Variants in BTBD3 observed in about 807,000 individuals in gnomAD.
BTBD3 encodes the protein BTB domain containing 3.
In BTBD3, 14 loss-of-function variants were observed where a neutral mutation model predicts 41.6. The ratio of observed to expected loss-of-function variants is 0.34; its 90% CI spans 0.22 to 0.53. The LOEUF (loss-of-function observed/expected upper bound fraction) is 0.53, where lower values mean the gene tolerates loss of function less well. BTBD3 is among the 20% of genes least tolerant of loss of function. The pLI is 0.95. For missense variants in BTBD3, 426 were observed against 654.7 expected, an observed-to-expected ratio of 0.65 and a Z score of 3.81; for synonymous variants, 249 against 233.7, an observed-to-expected ratio of 1.07 and a Z score of -0.60.
At chr20:11,897,345 T>A (rs1465536838) in intron 1 of BTBD3, among the ~76,000 whole-genome samples, 1 of 152,174 alleles carries the variant, frequency 6.6e-6, no homozygotes, top group Non-Finnish European at 1.5e-5. Flanking sequence ...CTGATCTTTC[T>A]CTGCAAACCT....
intron 2 of BTBD3, 77 bp downstream of exon 2, chr20:11,919,253 G>A: frequency 1.4e-6 from 2 of 1,439,494 alleles, no homozygotes; most frequent in Non-Finnish European, 1.9e-6. Context: ...GTAACTTGGT[G>A]TGGGCAGCTT....
intron 1 of BTBD3, chr20:11,891,185 G>GC (rs1005446362): frequency 1.9e-4 from 31 of 163,948 alleles, no homozygotes; most frequent in African/African-American, 6.0e-4. Context: ...CGAGGGGGGG[G>GC]GGGTCCCAGT....
intron 2 of BTBD3, chr20:11,919,440 G>T: frequency 7.1e-7 from 1 of 1,409,872 alleles, no homozygotes; most frequent in East Asian, 2.5e-5. Flanking sequence ...AAAGTCGTAT[G>T]TTTACCCTTC....
At chr20:11,915,188 C>T (rs1014329269), upstream of BTBD3, among the ~76,000 whole-genome samples, 5 of 152,018 alleles carry the variant, frequency 3.3e-5, no homozygotes, top group African/African-American at 7.2e-5. Context: ...TTTTTCCTGC[C>T]GAAATCATCA....
chr20:11,890,857 G>A (rs1476849015), exon 1 of BTBD3: 4 of 985,138 alleles, frequency 4.1e-6, no homozygotes, highest in African/African-American at 1.7e-5. Context: ...AGCCCGCCGG[G>A]CGCTGGATCT....
At chr20:11,916,442 A>G (rs927571196), upstream of BTBD3, among the ~76,000 whole-genome samples, 4 of 152,222 alleles carry the variant, frequency 2.6e-5, no homozygotes, top group East Asian at 1.9e-4. Flanking sequence ...TGTTGAGAAC[A>G]TGATAATCAT....
At chr20:11,897,484 C>CAAAAAAAAAAAAAAAA (rs71186168) in intron 1 of BTBD3, among the ~76,000 whole-genome samples, 1 of 65,370 alleles carries the variant, frequency 1.5e-5, no homozygotes, top group Non-Finnish European at 2.7e-5. Flanking sequence ...GTTATTTAAG[C>CAAAAAAAAAAAAAAAA]AAAAAAAAAA....
intron 1 of BTBD3, among the ~76,000 whole-genome samples, chr20:11,911,743 T>C (rs1451603436): frequency 6.6e-6 from 1 of 152,196 alleles, no homozygotes; most frequent in Non-Finnish European, 1.5e-5. Context: ...TCTTCAACTT[T>C]ACAAAAGAAA....
rs1365931622 is a variant in BTBD3 at position 11,923,864 on chromosome 20, A to T, written c.*198A>T. On this transcript the variant is annotated 3_prime_UTR_variant, in exon 4 of 4. Coordinates refer to ENST00000378226, the MANE Select transcript of BTBD3 (RefSeq NM_014962.4). The surrounding 1 kb of genome is among the most constrained non-coding windows in gnomAD (Gnocchi z 5.3). ...CATTCCGCTTTTAACTATCTGCTTA[A>T]AAGAGCTAACGTTCTTATTAAGGCT... 2 of 573,672 alleles carry T rather than the reference A, an allele frequency of 3.5e-6. No homozygotes were observed. The highest frequency in any genetic ancestry group is 3.7e-5 in the African/African-American group (2 of 53,382). The allele number at this position is 573,672 out of a possible 1,614,324, so 35.5% of individuals were successfully genotyped here.
At chr20:11,920,614 AGT>A (rs1479108362) in intron 3 of BTBD3, among the ~76,000 whole-genome samples, 1 of 152,202 alleles carries the variant, frequency 6.6e-6, no homozygotes, top group Non-Finnish European at 1.5e-5. Flanking sequence ...GGTACTAGAC[AGT>A]GTGGTAGTTC....
At chr20:11,921,101 G>A (rs1037884776) in intron 3 of BTBD3, among the ~76,000 whole-genome samples, 5 of 152,196 alleles carry the variant, frequency 3.3e-5, no homozygotes, top group Admixed American at 1.3e-4. Context: ...CATGAAGTCA[G>A]CTTTGTATTT....
In BTBD3 at chr20:11,918,219, C is replaced by T. The variant is rs2056932812; in HGVS notation, c.-57C>T. 6.6e-7 allele frequency: 1 copy of T among 1,506,960 alleles called. No individual in the cohort carries two copies. The highest frequency in any genetic ancestry group is 8.8e-7 in the Non-Finnish European group (1 of 1,137,470). The allele number at this position is 1,506,960 out of a possible 1,614,324, so 93.3% of individuals were successfully genotyped here. ...CTCTTAGCCCGGGCTAATCTCTTTT[C>T]CTTGATGTTCAAACCAATTTGGGAT... On this transcript the variant is annotated 5_prime_UTR_variant, in exon 1 of 4. Transcript: ENST00000378226.
intron 1 of BTBD3, among the ~76,000 whole-genome samples, chr20:11,906,734 C>T (rs2056857229): frequency 1.3e-5 from 2 of 152,168 alleles, no homozygotes; most frequent in South Asian, 4.1e-4. Context: ...CTGCAGTAAT[C>T]TGAAATGAGA....
At position 11,926,474 on chromosome 20, in the gene BTBD3, A is replaced by G. The variant is rs2057020446; in HGVS notation, c.*2808A>G. 1 of 152,684 alleles carries G rather than the reference A, an allele frequency of 6.5e-6. No individual in the cohort carries two copies. Among genetic ancestry groups the G allele is most frequent in the Admixed American group, 6.5e-5 (1 of 15,292 alleles). The allele number at this position is 152,684 out of a possible 1,614,324, so 9.5% of individuals were successfully genotyped here. The stretch of plus-strand genomic sequence containing the variant: ...GCATTATTTATGAAGGAAAAAATAC[A>G]TAAATATGAAGTACCTCATGTTGAA... On this transcript the variant is annotated 3_prime_UTR_variant, in exon 4 of 4. Transcript: ENST00000378226.
intron 1 of BTBD3, chr20:11,918,873 A>G (rs1600244797): frequency 1.7e-6 from 1 of 572,232 alleles, no homozygotes; most frequent in East Asian, 2.9e-5. Context: ...TAGCTTTATT[A>G]AAAGTTTGTA....
chr20:11,914,866 T>A (rs892057134), upstream of BTBD3, among the ~76,000 whole-genome samples: 3 of 152,164 alleles, frequency 2.0e-5, no homozygotes, highest in African/African-American at 7.2e-5. Flanking sequence ...TGTATGTGTG[T>A]TTATGTTTAG....
chr20:11,903,261 T>C (rs187296586), intron 1 of BTBD3, among the ~76,000 whole-genome samples: 1 of 152,298 alleles, frequency 6.6e-6, no homozygotes, highest in Admixed American at 6.5e-5. Flanking sequence ...GATATATCTC[T>C]CTTTAAATGA....
chr20:11,899,153 A>G (rs1453089161), intron 1 of BTBD3, among the ~76,000 whole-genome samples: 1 of 152,004 alleles, frequency 6.6e-6, no homozygotes, highest in African/African-American at 2.4e-5. Context: ...GACATCTTTC[A>G]TGGCCCCTTC....
In BTBD3 at chr20:11,923,736, C is replaced by A; in HGVS notation, c.*70C>A. On this transcript the variant is annotated 3_prime_UTR_variant, in exon 4 of 4. Coordinates refer to ENST00000378226, the MANE Select transcript of BTBD3 (RefSeq NM_014962.4). The surrounding 1 kb of genome is among the most constrained non-coding windows in gnomAD (Gnocchi z 5.3). ...GTTCCAACTTGCCTGATGCTTAGCT[C>A]ATCTGCAAATATGTGATCAGTGCCG... The A allele has an allele frequency of 7.2e-7, 1 of 1,395,172 alleles. No individual in the cohort carries two copies. The highest frequency in any genetic ancestry group is 9.8e-7 in the Non-Finnish European group (1 of 1,022,072). 86.4% of individuals were successfully genotyped at this position (1,395,172 alleles called of 1,614,324 possible). A position where few individuals can be genotyped will look rare whatever the true frequency, so the allele number is the denominator to read the frequency against.
Sources: gnomAD v4.1 joint callset for allele counts (sites outside exome capture counted in the v4.1 genomes callset) on GRCh38, gnomAD v4.1.1 for gene constraint, Gnocchi (gnomAD v3.1) non-coding constraint, MANE v1.5 for transcripts, NCBI Gene and HGNC (gene_info 2026-07-23, HGNC 2026-07-21) for gene names.